The following PVT1 variants were observed in gnomAD, a reference collection of about 807,000 sequenced individuals.
PVT1 encodes the protein Pvt1 oncogene.
At chr8:127,991,039 C>T (rs942301335) in intron 4 of PVT1, among the ~76,000 whole-genome samples, 3 of 152,076 alleles carry the variant, frequency 2.0e-5, no homozygotes, top group East Asian at 3.9e-4. Context: ...CATTCATTTT[C>T]GTATCATTGT....
chr8:127,866,763 C>G (rs1160785133), intron 2 of PVT1, among the ~76,000 whole-genome samples: 1 of 152,208 alleles, frequency 6.6e-6, no homozygotes, highest in Admixed American at 6.5e-5. Context: ...TATGTATTGT[C>G]TGTGCATTCA....
intron 4 of PVT1, among the ~76,000 whole-genome samples, chr8:128,021,347 ACG>A (rs1563667695): frequency 1.6e-5 from 2 of 128,414 alleles, no homozygotes; most frequent in South Asian, 2.6e-4. Context: ...AGGCTGGAGC[ACG>A]GTGGCGCAAT....
At chr8:127,916,485 G>A (rs1010666965) in intron 3 of PVT1, among the ~76,000 whole-genome samples, 5 of 152,184 alleles carry the variant, frequency 3.3e-5, no homozygotes, top group Non-Finnish European at 7.3e-5. Context: ...TTGTCTTTGT[G>A]TGTGCTCAGC....
chr8:127,876,645 A>T (rs1276650485), intron 2 of PVT1, among the ~76,000 whole-genome samples: 1 of 151,786 alleles, frequency 6.6e-6, no homozygotes, highest in Non-Finnish European at 1.5e-5. Flanking sequence ...TTCTGAAGGG[A>T]TGGGGACTAA....
intron 3 of PVT1, among the ~76,000 whole-genome samples, chr8:127,913,361 C>T (rs1815934298): frequency 1.3e-5 from 2 of 152,222 alleles, no homozygotes; most frequent in South Asian, 4.1e-4. Flanking sequence ...GAATTCACTG[C>T]ACCTAGCCTG....
Position 128,006,145 on chromosome 8 carries a change from T to TAATAATAATAAA in PVT1, n.912+16859_912+16860insTAATAAAAATAA, listed in dbSNP as rs1554603823. ...ATAATAATAATAATAATAATAATAA[T>TAATAATAATAAA]AATAAAAAGATAAGGGAAATTTGGG... On this transcript the variant is annotated intron_variant and non_coding_transcript_variant, in intron 4 of 10. Transcript: ENST00000651587. Among the ~76,000 whole-genome samples, 231 of 134,372 alleles carry TAATAATAATAAA rather than the reference T, an allele frequency of 1.7e-3. 1 individual carries two copies. The highest frequency in any genetic ancestry group is 4.1e-3 in the Admixed American group (55 of 13,474). The allele number at this position is 134,372 out of a possible 152,430, so 88.2% of individuals were successfully genotyped here.
At chr8:128,082,705 G>A (rs1431941391) in intron 5 of PVT1, 2 of 152,200 alleles carry the variant, frequency 1.3e-5, no homozygotes, top group African/African-American at 4.8e-5. Context: ...AAAAGGCAAA[G>A]CCCCTTACAA....
chr8:127,889,909 G>A (rs1815578826), intron 2 of PVT1, among the ~76,000 whole-genome samples: 1 of 152,172 alleles, frequency 6.6e-6, no homozygotes, highest in Non-Finnish European at 1.5e-5. Flanking sequence ...TGAGCCTCCA[G>A]CCCTAGGCAT....
intron 2 of PVT1, among the ~76,000 whole-genome samples, chr8:127,887,448 G>A (rs1030770180): frequency 6.6e-6 from 1 of 152,076 alleles, no homozygotes; most frequent in Non-Finnish European, 1.5e-5. Flanking sequence ...TATCTACCAG[G>A]GAACTGCTTC....
At chr8:128,058,239 A>G (rs1264643761) in intron 4 of PVT1, among the ~76,000 whole-genome samples, 1 of 152,208 alleles carries the variant, frequency 6.6e-6, no homozygotes, top group Admixed American at 6.5e-5. Flanking sequence ...GACCTAACCA[A>G]TTAAATCCCT....
At chr8:127,925,127 A>G (rs767466047) in intron 3 of PVT1, among the ~76,000 whole-genome samples, 3 of 152,136 alleles carry the variant, frequency 2.0e-5, no homozygotes, top group Non-Finnish European at 4.4e-5. Flanking sequence ...CCTATCCTGG[A>G]ATGGTCTTTT....
At chr8:127,913,694 A>G (rs7818060) in intron 3 of PVT1, among the ~76,000 whole-genome samples, 226 of 152,240 alleles carry the variant, frequency 1.5e-3, no homozygotes, top group African/African-American at 5.2e-3. Context: ...GGGGAAATGG[A>G]AAACAGCTGA....
chr8:128,017,591 G>A (rs562307488), intron 4 of PVT1, among the ~76,000 whole-genome samples: 2 of 148,736 alleles, frequency 1.3e-5, no homozygotes, highest in Non-Finnish European at 3.0e-5. Context: ...GCCACCAAGC[G>A]CTATTTTTTT....
chr8:127,806,520 C>CA (rs1343147576), intron 2 of PVT1, among the ~76,000 whole-genome samples: 2 of 151,952 alleles, frequency 1.3e-5, no homozygotes, highest in African/African-American at 4.8e-5. Context: ...ATTTTGCTAA[C>CA]AAAGTCAGGT....
intron 3 of PVT1, among the ~76,000 whole-genome samples, chr8:127,929,884 T>C (rs1013177948): frequency 2.6e-5 from 4 of 152,210 alleles, no homozygotes; most frequent in Non-Finnish European, 4.4e-5. Flanking sequence ...TTCTGGACAA[T>C]TGTCAAACCT....
intron 3 of PVT1, among the ~76,000 whole-genome samples, chr8:127,920,561 C>T (rs12680310): frequency 0.21 from 31,715 of 152,080 alleles, 3,664 homozygotes; most frequent in Admixed American, 0.32. Flanking sequence ...TTTTATGATA[C>T]GATAAACACT....
intron 4 of PVT1, among the ~76,000 whole-genome samples, chr8:128,022,706 G>T (rs529598006): frequency 6.6e-6 from 1 of 152,128 alleles, no homozygotes; most frequent in Non-Finnish European, 1.5e-5. Flanking sequence ...GTAACTTTAC[G>T]TAAGTAGCAT....
intron 4 of PVT1, among the ~76,000 whole-genome samples, chr8:128,021,289 G>GTTTT (rs1332480547): frequency 1.8e-5 from 1 of 54,882 alleles, no homozygotes; most frequent in Non-Finnish European, 3.9e-5. Context: ...CAGGACTTGT[G>GTTTT]CTTTTTTTTT....
At chr8:127,986,478 C>T (rs1816971887) in intron 3 of PVT1, among the ~76,000 whole-genome samples, 1 of 152,204 alleles carries the variant, frequency 6.6e-6, no homozygotes, top group Non-Finnish European at 1.5e-5. Context: ...GGTAGATATC[C>T]TTGAGAACTG....
Sources: allele counts gnomAD v4.1 joint callset (sites outside exome capture counted in the v4.1 genomes callset), GRCh38; gene constraint gnomAD v4.1.1; transcripts MANE v1.5; gene names NCBI Gene and HGNC (gene_info 2026-07-23, HGNC 2026-07-21).